CAPN13: variants seen among roughly 807,000 people sequenced by gnomAD.
CAPN13 encodes the protein calpain-13.
CAPN13 carries 90 observed loss-of-function variants against 98.4 expected under a neutral mutation model. That is an observed-to-expected ratio of 0.92 (90% CI 0.77 to 1.09). The LOEUF (loss-of-function observed/expected upper bound fraction) is 1.09, where lower values mean the gene tolerates loss of function less well. Ranked by LOEUF, CAPN13 falls within the 50% of genes least tolerant of loss-of-function variation. The pLI is 0.00. For missense variants in CAPN13, 887 were observed against 841.3 expected, an observed-to-expected ratio of 1.05 and a Z score of -0.67; for synonymous variants, 330 against 305.5, an observed-to-expected ratio of 1.08 and a Z score of -0.84.
At chr2:30,806,312 A>G (rs1240658875) in intron 1 of CAPN13, 1 of 152,164 alleles carries the variant, frequency 6.6e-6, no homozygotes, top group Non-Finnish European at 1.5e-5. Flanking sequence ...GCTTTTGCCT[A>G]TTACACAGTT....
At chr2:30,754,404 G>A (rs771698627) in intron 8 of CAPN13, 40 bp from the exon 9 acceptor site, 1 of 1,554,534 alleles carries the variant, frequency 6.4e-7, no homozygotes, top group Non-Finnish European at 8.7e-7. Context: ...AGATTTTCCA[G>A]TGCATTTTTT....
intron 3 of CAPN13, among the ~76,000 whole-genome samples, chr2:30,776,683 G>A (rs1673715054): frequency 6.6e-6 from 1 of 152,140 alleles, no homozygotes; most frequent in Non-Finnish European, 1.5e-5. Context: ...GCATGGCCTC[G>A]AGTTTCTCCT....
intron 22 of CAPN13, among the ~76,000 whole-genome samples, chr2:30,729,210 G>A (rs1181484515): frequency 6.6e-6 from 1 of 152,192 alleles, no homozygotes; most frequent in Admixed American, 6.5e-5. Context: ...CAAACCACAA[G>A]CCAAGAGTGA....
rs372279880 is a variant in CAPN13 at position 30,732,394 on chromosome 2, C to T, written c.1927+44G>A. On this transcript the variant is annotated intron_variant, in intron 20 of 22. Transcript: ENST00000295055. ...GTGTCCGGTCCTCTCCTGTGTTCTT[C>T]GGTCACTGCCAAGGTCTCTGGGATG... The T allele has an allele frequency of 1.3e-4, 211 of 1,609,334 alleles. 1 individual carries two copies. Among genetic ancestry groups the T allele is most frequent in the African/African-American group, 2.7e-4 (20 of 74,984 alleles).
intron 5 of CAPN13, among the ~76,000 whole-genome samples, chr2:30,766,030 G>C (rs2148027549): frequency 6.6e-6 from 1 of 152,326 alleles, no homozygotes; most frequent in Non-Finnish European, 1.5e-5. Flanking sequence ...GCTGTCCCAT[G>C]TGGGTTCTGG....
chr2:30,799,799 C>G (rs151060064), intron 1 of CAPN13, among the ~76,000 whole-genome samples: 2 of 152,126 alleles, frequency 1.3e-5, no homozygotes, highest in Non-Finnish European at 2.9e-5. Flanking sequence ...CAGGGCCAGG[C>G]GCAGTGGTTC....
intron 1 of CAPN13, among the ~76,000 whole-genome samples, chr2:30,803,727 TACA>T (rs1675433903): frequency 6.6e-6 from 1 of 152,154 alleles, no homozygotes; most frequent in Non-Finnish European, 1.5e-5. Flanking sequence ...TTCATAACCC[TACA>T]ACATGTATTA....
intron 1 of CAPN13, among the ~76,000 whole-genome samples, chr2:30,801,009 T>C (rs1675238857): frequency 6.6e-6 from 1 of 152,198 alleles, no homozygotes; most frequent in African/African-American, 2.4e-5. Flanking sequence ...ATTTAGCTAA[T>C]TCAAATTTTT....
intron 6 of CAPN13, among the ~76,000 whole-genome samples, chr2:30,763,566 T>G: frequency 6.6e-6 from 1 of 152,218 alleles, no homozygotes; most frequent in East Asian, 1.9e-4. Context: ...TAGCAATGTG[T>G]GACTCAAAGC....
intron 7 of CAPN13, among the ~76,000 whole-genome samples, chr2:30,758,508 T>C (rs1255510314): frequency 1.3e-5 from 2 of 152,172 alleles, no homozygotes; most frequent in African/African-American, 4.8e-5. Flanking sequence ...CTCCAAGCCC[T>C]GTCATGGATG....
At chr2:30,736,382 G>C (rs923126711) in intron 18 of CAPN13, 121 bp downstream of exon 18, 51 of 949,832 alleles carry the variant, frequency 5.4e-5, no homozygotes, top group Non-Finnish European at 7.9e-5. Context: ...CTCTCCTTGA[G>C]GGCAGGGGTG....
intron 1 of CAPN13, among the ~76,000 whole-genome samples, chr2:30,790,588 C>T (rs78687300): frequency 1.3e-5 from 2 of 152,300 alleles, no homozygotes; most frequent in African/African-American, 2.4e-5. Flanking sequence ...GTCTACGAAA[C>T]GAGCTTCCCT....
chr2:30,723,674 T>G (rs1337437302), intron 22 of CAPN13, among the ~76,000 whole-genome samples: 1 of 152,190 alleles, frequency 6.6e-6, no homozygotes, highest in East Asian at 1.9e-4. Context: ...TTTGGACTTC[T>G]GCAGAGGAGT....
At chr2:30,724,587 C>T (rs1474497433) in intron 22 of CAPN13, among the ~76,000 whole-genome samples, 1 of 152,128 alleles carries the variant, frequency 6.6e-6, no homozygotes, top group African/African-American at 2.4e-5. Flanking sequence ...GTCGGTTTCC[C>T]AGTTGGATAC....
chr2:30,743,548 A>T lies in CAPN13; in HGVS notation c.1280T>A (p.Phe427Tyr). 1 of 1,614,022 alleles carries T rather than the reference A, an allele frequency of 6.2e-7. No homozygotes were observed. The change falls in exon 13 of 23, where the codon TTT becomes TAT. Residue 427 changes from phenylalanine (F) to tyrosine (Y), a missense_variant. Coordinates refer to ENST00000295055, the MANE Select transcript of CAPN13 (RefSeq NM_144575.3). ...RFREKFPPVF[F>Y]SSFRNTVQSS... ...TTGGACAGTGTTTCTGAACGAGGAA[A>T]AAAACACGGGTGGAAATTTCTCCCG...
intron 12 of CAPN13, among the ~76,000 whole-genome samples, chr2:30,744,797 C>T (rs1671826249): frequency 6.6e-6 from 1 of 152,192 alleles, no homozygotes; most frequent in Non-Finnish European, 1.5e-5. Context: ...CAGGACTGGT[C>T]ATGCACAGAC....
intron 6 of CAPN13, among the ~76,000 whole-genome samples, chr2:30,763,609 T>C (rs1333756675): frequency 1.3e-5 from 2 of 152,232 alleles, no homozygotes; most frequent in Admixed American, 6.5e-5. Context: ...AGCATCCCCA[T>C]GGATAGAAAC....
At chr2:30,758,906 T>C (rs1235291003) in intron 7 of CAPN13, among the ~76,000 whole-genome samples, 1 of 139,852 alleles carries the variant, frequency 7.2e-6, no homozygotes, top group African/African-American at 2.7e-5. Context: ...CTCCCTCTCG[T>C]CTTCCCTTCT....
At chr2:30,767,262 C>T (rs1277341753) in intron 5 of CAPN13, among the ~76,000 whole-genome samples, 2 of 152,282 alleles carry the variant, frequency 1.3e-5, no homozygotes, top group East Asian at 3.9e-4. Flanking sequence ...ATGTGATTCA[C>T]CCCTGCATTT....
Sources: allele counts gnomAD v4.1 joint callset (sites outside exome capture counted in the v4.1 genomes callset), GRCh38; gene constraint gnomAD v4.1.1; transcripts MANE v1.5; gene names NCBI Gene and HGNC (gene_info 2026-07-23, HGNC 2026-07-21).